RAG1: variants seen among roughly 807,000 people sequenced by gnomAD.
RAG1 encodes recombination activating 1, also known as V(D)J recombination-activating protein 1.
A neutral mutation model predicts 62.7 loss-of-function variants in RAG1; 35 were observed. The observed-to-expected ratio is 0.56, with a 90% CI of 0.43 to 0.74. The LOEUF (loss-of-function observed/expected upper bound fraction) is 0.74. RAG1 is among the 30% of genes least tolerant of loss of function. The pLI is 0.00. For synonymous variants in RAG1, 461 were observed against 470.3 expected (o/e 0.98, Z 0.26); for missense variants, 1,169 against 1,278.6 (o/e 0.91, Z 1.31).
chr11:36,525,542 T>G (rs941571166), intron 2 of RAG1, among the ~76,000 whole-genome samples: 5 of 152,200 alleles, frequency 3.3e-5, no homozygotes, highest in Non-Finnish European at 7.4e-5. Flanking sequence ...ATGTCTCAAT[T>G]TATTTAGATC....
intron 3 of RAG1, among the ~76,000 whole-genome samples, chr11:36,543,765 T>A (rs1020577251): frequency 6.6e-6 from 1 of 152,230 alleles, no homozygotes; most frequent in African/African-American, 2.4e-5. Flanking sequence ...CAAATCAACC[T>A]TTTTGGGGGG....
At chr11:36,570,488 T>G (rs1313390878) in intron 1 of RAG1, among the ~76,000 whole-genome samples, 1 of 152,068 alleles carries the variant, frequency 6.6e-6, no homozygotes, top group Non-Finnish European at 1.5e-5. Flanking sequence ...AACACAGGAG[T>G]GTAGATGTCT....
At chr11:36,541,459 A>G (rs549219065) in intron 3 of RAG1, among the ~76,000 whole-genome samples, 1 of 152,250 alleles carries the variant, frequency 6.6e-6, no homozygotes, top group South Asian at 2.1e-4. Flanking sequence ...TATTCTTTCC[A>G]TCTTTTTGGT....
intron 1 of RAG1, among the ~76,000 whole-genome samples, chr11:36,518,398 T>A (rs1455117386): frequency 1.3e-5 from 2 of 152,190 alleles, no homozygotes; most frequent in Non-Finnish European, 2.9e-5. Context: ...TAGTTCTAGA[T>A]CCCTGAGGAA....
At chr11:36,548,318 A>G (rs1191314543) in intron 3 of RAG1, among the ~76,000 whole-genome samples, 1 of 152,238 alleles carries the variant, frequency 6.6e-6, no homozygotes, top group African/African-American at 2.4e-5. Context: ...TCAGATGGGA[A>G]GAGAGGAAGT....
intron 3 of RAG1, among the ~76,000 whole-genome samples, chr11:36,545,882 T>G (rs947350529): frequency 6.6e-6 from 1 of 152,242 alleles, no homozygotes; most frequent in Non-Finnish European, 1.5e-5. Flanking sequence ...TTGTTCAGTT[T>G]CCGTGTAGTC....
intron 1 of RAG1, among the ~76,000 whole-genome samples, chr11:36,570,577 G>GT (rs1433783155): frequency 3.9e-5 from 6 of 152,072 alleles, no homozygotes; most frequent in Admixed American, 2.6e-4. Flanking sequence ...TCTATCTTTA[G>GT]TTTTTTTGAG....
chr11:36,567,922 G>T (rs1850683057), upstream of RAG1: 1 of 152,344 alleles, frequency 6.6e-6, no homozygotes, highest in South Asian at 2.1e-4. Context: ...ATGATTGGCT[G>T]CCATCATTTG....
Position 36,533,351 on chromosome 11 carries a change from G to C in RAG1, n.429-2608G>C, listed in dbSNP as rs76018768. Reference sequence around the variant, plus strand: ...TGAATCCTCAGCTTATATTGCCCTTGTTGCCCATCTGTAAGTAATAAACCC... The same window carrying C: ...TGAATCCTCAGCTTATATTGCCCTTCTTGCCCATCTGTAAGTAATAAACCC... On this transcript the variant is annotated intron_variant and non_coding_transcript_variant, in intron 2 of 2. Coordinates refer to the RAG1 transcript ENST00000529126. Among the ~76,000 whole-genome samples, 1,129 of 152,266 alleles carry C rather than the reference G, an allele frequency of 7.4e-3. 15 individuals are homozygous for C. Among genetic ancestry groups the C allele is most frequent in the African/African-American group, 0.026 (1,091 of 41,564 alleles).
intron 3 of RAG1, among the ~76,000 whole-genome samples, chr11:36,559,216 G>A (rs1017446752): frequency 1.3e-5 from 2 of 152,088 alleles, no homozygotes; most frequent in Non-Finnish European, 2.9e-5. Context: ...TATGCTGTTA[G>A]TATAATGAAG....
rs1850909771 is a variant in RAG1, at chr11:36,579,729, T to G, written c.*3293T>G. 1 of 166,946 alleles carries G rather than the reference T, an allele frequency of 6.0e-6. No homozygotes were observed. The highest frequency in any genetic ancestry group is 1.5e-5 in the Non-Finnish European group (1 of 68,066). 10.3% of individuals were successfully genotyped at this position (166,946 alleles called of 1,614,324 possible). On this transcript the variant is annotated 3_prime_UTR_variant, in exon 2 of 2. Transcript: ENST00000299440. Reference sequence around the variant, plus strand: ...TGGTTATTGTCAGCAATTTTATGTTTGAATATTTGAAATAAAAGTTTAAGA... The same window carrying G: ...TGGTTATTGTCAGCAATTTTATGTTGGAATATTTGAAATAAAAGTTTAAGA...
intron 2 of RAG1, among the ~76,000 whole-genome samples, chr11:36,529,825 T>C (rs527768550): frequency 2.0e-5 from 3 of 152,228 alleles, no homozygotes; most frequent in South Asian, 2.1e-4. Flanking sequence ...AAGGTTAATA[T>C]TGGCTTTACA....
At chr11:36,569,612 G>C (rs111793475) in intron 1 of RAG1, among the ~76,000 whole-genome samples, 12 of 152,312 alleles carry the variant, frequency 7.9e-5, no homozygotes, top group African/African-American at 2.9e-4. Context: ...ATATGGAAAA[G>C]TGACTATGAG....
At chr11:36,523,412 A>G (rs1344845281) in intron 2 of RAG1, among the ~76,000 whole-genome samples, 2 of 152,116 alleles carry the variant, frequency 1.3e-5, no homozygotes, top group African/African-American at 4.8e-5. Flanking sequence ...GCTTTCCACC[A>G]TGATCATGAG....
intron 2 of RAG1, among the ~76,000 whole-genome samples, chr11:36,521,498 A>T (rs1426938952): frequency 6.6e-6 from 1 of 152,146 alleles, no homozygotes; most frequent in African/African-American, 2.4e-5. Context: ...GCTAAGTGGA[A>T]CTGTGAGTCC....
At chr11:36,536,552 T>TA (rs1184525608), downstream of RAG1, among the ~76,000 whole-genome samples, 6 of 152,142 alleles carry the variant, frequency 3.9e-5, no homozygotes, top group Non-Finnish European at 8.8e-5. Context: ...GTTCTATGGG[T>TA]ATTTGCTTTA....
intron 1 of RAG1, among the ~76,000 whole-genome samples, chr11:36,512,073 C>A (rs1859932529): frequency 1.3e-5 from 2 of 152,180 alleles, no homozygotes; most frequent in African/African-American, 4.8e-5. Flanking sequence ...TCCTTCAAAT[C>A]CAATTTATTC....
At chr11:36,561,301 C>A (rs1040720015) in intron 3 of RAG1, among the ~76,000 whole-genome samples, 3 of 152,204 alleles carry the variant, frequency 2.0e-5, no homozygotes, top group Non-Finnish European at 4.4e-5. Context: ...TCTCCTACAA[C>A]TTCCTTTTCC....
intron 3 of RAG1, among the ~76,000 whole-genome samples, chr11:36,550,990 C>G (rs527983002): frequency 1.0e-3 from 157 of 152,164 alleles, no homozygotes; most frequent in African/African-American, 3.5e-3. Flanking sequence ...ATAGCAACGT[C>G]AGATTTACTA....
Sources: allele counts gnomAD v4.1 joint callset (sites outside exome capture counted in the v4.1 genomes callset), GRCh38; gene constraint gnomAD v4.1.1; transcripts MANE v1.5; gene names NCBI Gene and HGNC (gene_info 2026-07-23, HGNC 2026-07-21).